Variants in ARHGAP24 observed in about 807,000 individuals in gnomAD.
ARHGAP24 encodes Rho GTPase activating protein 24, also known as rho GTPase-activating protein 24.
A neutral mutation model predicts 76.4 loss-of-function variants in ARHGAP24; 50 were observed. That is an observed-to-expected ratio of 0.65 (90% CI 0.52 to 0.83). ARHGAP24 has a LOEUF of 0.83. ARHGAP24 is among the 40% of genes least tolerant of loss of function. The pLI is 0.00. For missense variants in ARHGAP24, 930 were observed against 914.2 expected, an observed-to-expected ratio of 1.02 and a Z score of -0.22; for synonymous variants, 345 against 323.3, an observed-to-expected ratio of 1.07 and a Z score of -0.72.
chr4:85,849,901 A>G (rs1198914294), intron 3 of ARHGAP24, among the ~76,000 whole-genome samples: 1 of 152,116 alleles, frequency 6.6e-6, no homozygotes, highest in East Asian at 1.9e-4. Flanking sequence ...ATATTGGTCT[A>G]AAATACTCTT....
Position 85,995,470 on chromosome 4 carries a change from G to A in ARHGAP24, c.1816G>A (p.Asp606Asn), listed in dbSNP as rs760666182. Reference sequence around the variant, plus strand: ...GCAGGACGACCTTTCCCACCCCAGGGACTATGAAAGCAAAAGTGACCACAG... The same window carrying A: ...GCAGGACGACCTTTCCCACCCCAGGAACTATGAAAGCAAAAGTGACCACAG... The part of the protein sequence containing the change: ...PPQDDLSHPR[D>N]YESKSDHRSV... Residue 606 changes from aspartate (D) to asparagine (N), a missense_variant, in exon 9 of 10, where the codon GAC becomes AAC. Transcript: ENST00000395184. The A allele has an allele frequency of 9.4e-6, 15 of 1,602,766 alleles. No homozygotes were observed. Among genetic ancestry groups the A allele is most frequent in the Non-Finnish European group, 1.2e-5 (14 of 1,173,182 alleles).
intron 1 of ARHGAP24, among the ~76,000 whole-genome samples, chr4:85,560,996 A>G (rs1366425913): frequency 1.3e-5 from 2 of 152,224 alleles, no homozygotes; most frequent in Non-Finnish European, 2.9e-5. Context: ...GGATTGAAGC[A>G]TTCATTCACT....
intron 2 of ARHGAP24, among the ~76,000 whole-genome samples, chr4:85,622,704 G>T (rs1347133500): frequency 2.0e-5 from 3 of 152,156 alleles, no homozygotes; most frequent in Admixed American, 2.0e-4. Flanking sequence ...CTAGTTTACA[G>T]TCCCAACAAC....
At chr4:85,700,132 C>G (rs1360698811) in intron 2 of ARHGAP24, among the ~76,000 whole-genome samples, 1 of 152,120 alleles carries the variant, frequency 6.6e-6, no homozygotes, top group Non-Finnish European at 1.5e-5. Flanking sequence ...TGGTGCCTCA[C>G]ACCTGTAATC....
At chr4:85,959,149 G>A (rs540566437) in intron 5 of ARHGAP24, among the ~76,000 whole-genome samples, 1 of 152,306 alleles carries the variant, frequency 6.6e-6, no homozygotes, top group African/African-American at 2.4e-5. Context: ...ATTTCTTGAT[G>A]ATATGCTAAA....
At chr4:85,535,348 C>T (rs1380632746) in intron 1 of ARHGAP24, among the ~76,000 whole-genome samples, 2 of 152,116 alleles carry the variant, frequency 1.3e-5, no homozygotes, top group East Asian at 3.8e-4. Flanking sequence ...GGATAACATA[C>T]AACTACTAAT....
At chr4:85,926,963 A>G (rs1338513618) in intron 4 of ARHGAP24, among the ~76,000 whole-genome samples, 6 of 152,224 alleles carry the variant, frequency 3.9e-5, no homozygotes, top group Non-Finnish European at 7.4e-5. Flanking sequence ...ATTCTTCAGT[A>G]TATGAAAAAT....
intron 3 of ARHGAP24, among the ~76,000 whole-genome samples, chr4:85,888,187 G>A (rs1733674360): frequency 6.6e-6 from 1 of 152,100 alleles, no homozygotes. Context: ...TGGATCACGA[G>A]GTCAGGAGTT....
At chr4:85,939,836 T>C (rs1736855977) in intron 4 of ARHGAP24, among the ~76,000 whole-genome samples, 1 of 152,138 alleles carries the variant, frequency 6.6e-6, no homozygotes, top group Admixed American at 6.5e-5. Context: ...CTTAGTAGAT[T>C]TTCTGTTGGA....
intron 2 of ARHGAP24, among the ~76,000 whole-genome samples, chr4:85,716,644 G>A (rs767500978): frequency 6.6e-6 from 1 of 152,000 alleles, no homozygotes; most frequent in Non-Finnish European, 1.5e-5. Flanking sequence ...TGGTTCTTTT[G>A]TCACTCAGTA....
intron 3 of ARHGAP24, among the ~76,000 whole-genome samples, chr4:85,785,577 C>T (rs1305064794): frequency 6.6e-6 from 1 of 151,818 alleles, no homozygotes; most frequent in Non-Finnish European, 1.5e-5. Flanking sequence ...CTACATAACG[C>T]AAATAAACAC....
intron 1 of ARHGAP24, among the ~76,000 whole-genome samples, chr4:85,486,165 T>A (rs1723041987): frequency 6.6e-6 from 1 of 152,218 alleles, no homozygotes; most frequent in African/African-American, 2.4e-5. Context: ...TGATAAAGTT[T>A]AGTGTGACCA....
chr4:85,895,012 A>AAAAAAAAAAAAGC (rs1560701867), intron 3 of ARHGAP24, among the ~76,000 whole-genome samples: 1 of 33,400 alleles, frequency 3.0e-5, no homozygotes. Context: ...AAAAAAAAAA[A>AAAAAAAAAAAAGC]AAAAAAAAAG....
In ARHGAP24 at chr4:85,604,953, A is replaced by G. The variant is rs1342021581; in HGVS notation, c.180+34232A>G. 2.0e-5 allele frequency among the ~76,000 whole-genome samples: 3 copies of G among 152,200 alleles called. No individual in the cohort carries two copies. In the East Asian group the frequency reaches 5.8e-4, roughly 29 times the overall value. Reference sequence around the variant, plus strand: ...GGTCTTGAACTCCTGATCTGCCCGCATTGGCCTCCCAAAGTGCTGGGATTA... The same window carrying G: ...GGTCTTGAACTCCTGATCTGCCCGCGTTGGCCTCCCAAAGTGCTGGGATTA... On this transcript the variant is annotated intron_variant, in intron 2 of 9. Transcript: ENST00000395184.
chr4:85,523,863 T>A (rs2110112546), intron 1 of ARHGAP24, among the ~76,000 whole-genome samples: 1 of 152,074 alleles, frequency 6.6e-6, no homozygotes, highest in South Asian at 2.1e-4. Context: ...AAGAATGGAT[T>A]CTATTGATTT....
intron 3 of ARHGAP24, among the ~76,000 whole-genome samples, chr4:85,855,770 AAG>A (rs1731518700): frequency 2.3e-5 from 2 of 85,522 alleles, no homozygotes. Flanking sequence ...AAAAGCAAAA[AAG>A]AAAAAAAAAA....
At chr4:85,711,120 A>G (rs1724511374) in intron 2 of ARHGAP24, among the ~76,000 whole-genome samples, 1 of 152,204 alleles carries the variant, frequency 6.6e-6, no homozygotes, top group Non-Finnish European at 1.5e-5. Context: ...GCTGGAGATC[A>G]TTATCCTTAG....
chr4:85,854,682 A>T (rs1731455199), intron 3 of ARHGAP24, among the ~76,000 whole-genome samples: 1 of 152,164 alleles, frequency 6.6e-6, no homozygotes, highest in South Asian at 2.1e-4. Flanking sequence ...ACATCCGGCT[A>T]TGTCTAAAAT....
At position 85,588,138 on chromosome 4, in the gene ARHGAP24, C is replaced by T. The variant is rs116678771; in HGVS notation, c.180+17417C>T. Among the ~76,000 whole-genome samples, 280 of 152,280 alleles carry T rather than the reference C, an allele frequency of 1.8e-3. 3 individuals are homozygous for T. The highest frequency in any genetic ancestry group is 6.4e-3 in the African/African-American group (267 of 41,562). On this transcript the variant is annotated intron_variant, in intron 2 of 9. Transcript: ENST00000395184. ...TCACCAAGGGATTTCTCAGTCATCC[C>T]TGCCTTTATCTTGAACACACTGTCA...
Sources: gnomAD v4.1 joint callset for allele counts (sites outside exome capture counted in the v4.1 genomes callset) on GRCh38, gnomAD v4.1.1 for gene constraint, MANE v1.5 for transcripts, NCBI Gene and HGNC (gene_info 2026-07-23, HGNC 2026-07-21) for gene names.